The following THTPA variants were observed in gnomAD, a reference collection of about 807,000 sequenced individuals.
THTPA encodes thiamine-triphosphatase.
Under a neutral mutation model 16.5 loss-of-function variants are expected in THTPA, and 16 were observed. The ratio of observed to expected loss-of-function variants is 0.97; its 90% CI spans 0.66 to 1.47. The LOEUF is 1.47. Ranked by LOEUF, THTPA falls within the 40% of genes most tolerant of loss-of-function variation. The pLI, the probability that THTPA is intolerant of heterozygous loss-of-function variation, is 0.00. For synonymous variants in THTPA, 110 were observed against 115.5 expected (o/e 0.95, Z 0.30); for missense variants, 281 against 280.9 (o/e 1.00, Z 0.00).
the THTPA span, chr14:23,521,790 A>T: frequency 8.6e-7 from 1 of 1,169,486 alleles, no homozygotes; most frequent in Admixed American, 2.9e-5. Context: ...AGGAGGCAGG[A>T]CTCTGCTGGA....
the THTPA span, chr14:23,543,862 C>T: frequency 6.6e-6 from 1 of 151,906 alleles, no homozygotes; most frequent in Non-Finnish European, 1.5e-5. Context: ...AAAAAAATAG[C>T]CTTTAGAGTC....
the THTPA span, among the ~76,000 whole-genome samples, chr14:23,537,261 C>G: frequency 6.7e-3 from 1,013 of 152,058 alleles, 6 homozygotes; most frequent in Non-Finnish European, 0.01. Flanking sequence ...GAACCTCCCC[C>G]TCAAACTCAC....
At chr14:23,526,994 G>C in the THTPA span, 3 of 1,487,082 alleles carry the variant, frequency 2.0e-6, no homozygotes, top group South Asian at 1.3e-5. Context: ...AAAAAGCCTA[G>C]TGGCTTCACC....
At chr14:23,540,645 A>T in the THTPA span, among the ~76,000 whole-genome samples, 9 of 152,250 alleles carry the variant, frequency 5.9e-5, no homozygotes, top group Admixed American at 2.0e-4. Context: ...GCCAGGTTCA[A>T]TCCTTGCTCC....
the THTPA span, chr14:23,544,104 A>G: frequency 1.3e-5 from 2 of 151,978 alleles, no homozygotes; most frequent in South Asian, 2.1e-4. Flanking sequence ...ATACAAAAAA[A>G]ATGAGCCGGG....
the THTPA span, chr14:23,523,979 G>T: frequency 6.5e-7 from 1 of 1,528,870 alleles, no homozygotes. This position sits in a 1 kb window ranked among gnomAD's most constrained non-coding sequence, Gnocchi z 4.1. Context: ...TGTTGGGGTG[G>T]TGGCCTCTTT....
Position 23,560,159 on chromosome 14 carries a change from A to G in THTPA, c.*1319A>G. ...CCAAGTGCTGATCTCCAGATGACTC[A>G]ATCCCATCTCACACTGTCTCCCACC... On this transcript the variant is annotated 3_prime_UTR_variant, in exon 2 of 2. Coordinates refer to ENST00000288014, the MANE Select transcript of THTPA (RefSeq NM_024328.6). The G allele has an allele frequency of 6.6e-7, 1 of 1,505,952 alleles. No individual in the cohort carries two copies. Among genetic ancestry groups the G allele is most frequent in the South Asian group, 1.2e-5 (1 of 83,692 alleles). The allele number at this position is 1,505,952 out of a possible 1,614,324, so 93.3% of individuals were successfully genotyped here. A position where few individuals can be genotyped will look rare whatever the true frequency, so the allele number is the denominator to read the frequency against.
chr14:23,520,094 G>A, the THTPA span, among the ~76,000 whole-genome samples: 3 of 152,174 alleles, frequency 2.0e-5, no homozygotes, highest in South Asian at 4.1e-4. The surrounding 1 kb of genome is among the most constrained non-coding windows in gnomAD (Gnocchi z 8.7). Context: ...CATTTGCCTA[G>A]GGGTACAGAA....
At chr14:23,521,153 G>A in the THTPA span, 24 of 152,460 alleles carry the variant, frequency 1.6e-4, no homozygotes, top group African/African-American at 5.1e-4. Flanking sequence ...ATAAGTTACT[G>A]CAGTTCCCAG....
the THTPA span, chr14:23,521,761 T>C: frequency 5.7e-6 from 5 of 880,660 alleles, no homozygotes; most frequent in African/African-American, 6.8e-5. Flanking sequence ...GATCAATGTG[T>C]GTGTCTGTGG....
At chr14:23,537,274 A>G in the THTPA span, among the ~76,000 whole-genome samples, 1 of 151,444 alleles carries the variant, frequency 6.6e-6, no homozygotes, top group Non-Finnish European at 1.5e-5. Context: ...AAACTCACCA[A>G]TTCCCATGCC....
chr14:23,525,635 G>A, the THTPA span: 1 of 1,535,856 alleles, frequency 6.5e-7, no homozygotes, highest in Non-Finnish European at 8.7e-7. This position sits in a 1 kb window ranked among gnomAD's most constrained non-coding sequence, Gnocchi z 5.9. Flanking sequence ...TGCAGTGCGG[G>A]CAGCCTCGTT....
chr14:23,525,345 G>A, the THTPA span: 1 of 1,536,168 alleles, frequency 6.5e-7, no homozygotes, highest in Non-Finnish European at 8.7e-7. This position sits in a 1 kb window ranked among gnomAD's most constrained non-coding sequence, Gnocchi z 5.9. Context: ...GGTTTGGGAG[G>A]CTCTGCAAGG....
At chr14:23,542,745 CT>C in the THTPA span, among the ~76,000 whole-genome samples, 117 of 145,408 alleles carry the variant, frequency 8.0e-4, no homozygotes, top group Admixed American at 8.2e-4. Context: ...GGAAAACATT[CT>C]TTTTTTTTTT....
upstream of THTPA, among the ~76,000 whole-genome samples, chr14:23,555,378 C>T (rs997369956): frequency 6.6e-6 from 1 of 152,212 alleles, no homozygotes; most frequent in African/African-American, 2.4e-5. Flanking sequence ...TGACAAACTC[C>T]TCAGTCTAGC....
chr14:23,557,174 G>T lies in THTPA; in HGVS notation c.417G>T (p.Glu139Asp). The change falls in exon 1 of 2, where the codon GAG (glutamate) becomes GAT (aspartate). Residue 139 changes from glutamate to aspartate, a missense_variant. Transcript: ENST00000288014. ...TGCTCTTGGGAGCTGATGAAGAGGA[G>T]CCACAGCTCAGGGTGGACTTGGATA... The part of the protein sequence containing the change: ...KLVLLGADEE[E>D]PQLRVDLDTA... The T allele has an allele frequency of 1.1e-5, 18 of 1,614,152 alleles. No individual in the cohort carries two copies. Among genetic ancestry groups the T allele is most frequent in the Non-Finnish European group, 1.5e-5 (18 of 1,180,040 alleles).
At chr14:23,527,837 T>C in the THTPA span, 1 of 1,529,812 alleles carries the variant, frequency 6.5e-7, no homozygotes, top group Non-Finnish European at 8.7e-7. Context: ...GGACGAAGTG[T>C]CAGGGAAGGA....
At chr14:23,542,321 G>C in the THTPA span, 1 of 152,564 alleles carries the variant, frequency 6.6e-6, no homozygotes, top group African/African-American at 2.4e-5. Context: ...AGATGGGGGT[G>C]GTAGGGAGCA....
At chr14:23,531,519 C>T in the THTPA span, 1 of 1,488,494 alleles carries the variant, frequency 6.7e-7, no homozygotes, top group Admixed American at 2.1e-5. Context: ...GCTCAGGATG[C>T]TCTGAAGAGC....
Sources: allele counts gnomAD v4.1 joint callset (sites outside exome capture counted in the v4.1 genomes callset), GRCh38; gene constraint gnomAD v4.1.1; non-coding constraint Gnocchi (gnomAD v3.1); transcripts MANE v1.5; gene names NCBI Gene and HGNC (gene_info 2026-07-23, HGNC 2026-07-21).